The following MARCHF1 variants were observed in gnomAD, a reference collection of about 807,000 sequenced individuals.
MARCHF1 encodes the protein membrane associated ring-CH-type finger 1, also known as E3 ubiquitin-protein ligase MARCHF1.
MARCHF1 carries 40 observed loss-of-function variants against 54.2 expected under a neutral mutation model. The observed-to-expected ratio is 0.74, with a 90% confidence interval of 0.57 to 0.96. MARCHF1 has a LOEUF of 0.96. MARCHF1 is among the 40% of genes least tolerant of loss of function. The probability of loss-of-function intolerance (pLI) is 0.00; values close to 1 mark genes in which losing one functional copy is unlikely to be tolerated. For synonymous variants in MARCHF1, 236 were observed against 236.3 expected (o/e 1.00, Z 0.01); for missense variants, 586 against 656.5 (o/e 0.89, Z 1.17).
At chr4:163,632,056 G>C (rs1350397488) in intron 5 of MARCHF1, among the ~76,000 whole-genome samples, 2 of 152,150 alleles carry the variant, frequency 1.3e-5, no homozygotes, top group Non-Finnish European at 2.9e-5. Flanking sequence ...CACCCATTAA[G>C]ATGGCTACTA....
intron 4 of MARCHF1, among the ~76,000 whole-genome samples, chr4:163,795,102 G>T (rs562329793): frequency 6.6e-6 from 1 of 152,248 alleles, no homozygotes; most frequent in Non-Finnish European, 1.5e-5. Flanking sequence ...ATGTCAATTT[G>T]TGAAATTGAT....
chr4:163,925,934 A>G (rs1751527108), intron 3 of MARCHF1, among the ~76,000 whole-genome samples: 1 of 151,700 alleles, frequency 6.6e-6, no homozygotes, highest in Non-Finnish European at 1.5e-5. Flanking sequence ...CTCCCCTTCC[A>G]GGAAGTATTT....
chr4:163,737,160 C>CTTTTTTTT (rs201243891), intron 4 of MARCHF1, among the ~76,000 whole-genome samples: 2 of 40,996 alleles, frequency 4.9e-5, no homozygotes, highest in African/African-American at 1.2e-4. Flanking sequence ...CAGCTTTTTT[C>CTTTTTTTT]TTTCTTTTTT....
chr4:164,360,504 T>G (rs551102917), intron 1 of MARCHF1, among the ~76,000 whole-genome samples: 3 of 152,310 alleles, frequency 2.0e-5, no homozygotes, highest in East Asian at 1.9e-4. Flanking sequence ...GTGTTCATAT[T>G]CGAACAGGAA....
At chr4:164,079,427 C>T (rs1389663039) in intron 2 of MARCHF1, among the ~76,000 whole-genome samples, 1 of 152,118 alleles carries the variant, frequency 6.6e-6, no homozygotes, top group Admixed American at 6.5e-5. Flanking sequence ...AAATCGAGTA[C>T]TTTTAAAGAA....
chr4:164,376,022 G>T (rs1731180996), intron 1 of MARCHF1, among the ~76,000 whole-genome samples: 1 of 152,080 alleles, frequency 6.6e-6, no homozygotes, highest in East Asian at 1.9e-4. Flanking sequence ...TTGCGTATGT[G>T]CACTGGCTTG....
chr4:164,313,796 G>T (rs768925802), intron 1 of MARCHF1, among the ~76,000 whole-genome samples: 22 of 152,238 alleles, frequency 1.4e-4, no homozygotes, highest in Middle Eastern at 3.4e-3. Context: ...CAACCTGAGG[G>T]TCAGTCTGAG....
chr4:163,746,380 G>C (rs1009607454), intron 4 of MARCHF1, among the ~76,000 whole-genome samples: 1 of 152,074 alleles, frequency 6.6e-6, no homozygotes, highest in African/African-American at 2.4e-5. Flanking sequence ...ATTGTCTGTA[G>C]GTACCACAGC....
chr4:164,346,663 T>C lies in MARCHF1; in HGVS notation c.-323+37207A>G, dbSNP rs1172711226. 6.2e-5 allele frequency among the ~76,000 whole-genome samples: 5 copies of C among 80,926 alleles called. No homozygotes were observed. The East Asian group carries it at 1.6e-3, about 26-fold the overall frequency. 53.1% of individuals were successfully genotyped at this position (80,926 alleles called of 152,430 possible). ...ATATATATATATATATATATATATA[T>C]ATATATGTCCATATGCTTTTATAAG... On this transcript the variant is annotated intron_variant, in intron 1 of 9. Transcript: ENST00000514618.
intron 4 of MARCHF1, among the ~76,000 whole-genome samples, chr4:163,719,311 G>A (rs1745366421): frequency 6.6e-6 from 1 of 152,010 alleles, no homozygotes; most frequent in South Asian, 2.1e-4. Flanking sequence ...ATAGTTTGCT[G>A]AGACTGATGG....
chr4:164,187,598 A>G (rs1001734581), intron 1 of MARCHF1, among the ~76,000 whole-genome samples: 1 of 152,056 alleles, frequency 6.6e-6, no homozygotes, highest in Non-Finnish European at 1.5e-5. Flanking sequence ...TTGTCTCCTC[A>G]CTGACTGAAT....
intron 1 of MARCHF1, among the ~76,000 whole-genome samples, chr4:164,193,639 A>G (rs761569684): frequency 1.3e-5 from 2 of 152,146 alleles, no homozygotes; most frequent in African/African-American, 4.8e-5. Context: ...TGGATGTTCT[A>G]TGAGGGCAGT....
chr4:163,893,176 G>A (rs1425471460), intron 3 of MARCHF1, among the ~76,000 whole-genome samples: 2 of 151,524 alleles, frequency 1.3e-5, no homozygotes, highest in Non-Finnish European at 2.9e-5. Flanking sequence ...GTCTCACTCT[G>A]TCACCCAGGC....
intron 1 of MARCHF1, among the ~76,000 whole-genome samples, chr4:164,356,676 G>C (rs1449043253): frequency 1.5e-5 from 2 of 135,626 alleles, no homozygotes; most frequent in African/African-American, 5.3e-5. Flanking sequence ...TGACGAGTTA[G>C]TGGGTGCAGC....
At chr4:163,854,648 G>A (rs1749721483) in intron 3 of MARCHF1, among the ~76,000 whole-genome samples, 1 of 152,092 alleles carries the variant, frequency 6.6e-6, no homozygotes, top group African/African-American at 2.4e-5. Flanking sequence ...GCAGTGCCAT[G>A]ATTTTCTCTC....
chr4:163,695,175 G>T (rs532858280), intron 5 of MARCHF1, among the ~76,000 whole-genome samples: 4 of 152,226 alleles, frequency 2.6e-5, no homozygotes, highest in South Asian at 2.1e-4. Context: ...CAGCTGAAAA[G>T]AATTCTCAGT....
At chr4:164,374,248 ATTTT>A (rs1236382277) in intron 1 of MARCHF1, among the ~76,000 whole-genome samples, 2 of 129,350 alleles carry the variant, frequency 1.5e-5, no homozygotes, top group Non-Finnish European at 3.3e-5. Flanking sequence ...AGACGTCAAC[ATTTT>A]TTTAAGTTTT....
At chr4:164,111,686 T>A (rs1755836796) in intron 1 of MARCHF1, 24 bp from the exon 2 acceptor site, 2 of 151,706 alleles carry the variant, frequency 1.3e-5, no homozygotes, top group African/African-American at 4.8e-5. Context: ...TAAATTAATG[T>A]TAAGGCCAAG....
intron 1 of MARCHF1, among the ~76,000 whole-genome samples, chr4:164,176,377 A>C (rs3889785): frequency 0.81 from 123,075 of 152,046 alleles, 50,556 homozygotes; most frequent in Non-Finnish European, 0.89. Context: ...TACAGCACTA[A>C]CAAAAGGTAT....
Sources: gnomAD v4.1 joint callset for allele counts (sites outside exome capture counted in the v4.1 genomes callset) on GRCh38, gnomAD v4.1.1 for gene constraint, MANE v1.5 for transcripts, NCBI Gene and HGNC (gene_info 2026-07-23, HGNC 2026-07-21) for gene names.